Variants in RBFOX1 observed in about 807,000 individuals in gnomAD.
The protein encoded by RBFOX1 is RNA binding protein fox-1 homolog 1.
In RBFOX1, 8 loss-of-function variants were observed where a neutral mutation model predicts 57.7. The ratio of observed to expected loss-of-function variants is 0.14; its 90% confidence interval spans 0.08 to 0.25. The LOEUF (loss-of-function observed/expected upper bound fraction) is 0.25, where lower values mean the gene tolerates loss of function less well. RBFOX1 is among the 10% of genes least tolerant of loss of function. RBFOX1 has a pLI of 1.00. For synonymous variants in RBFOX1, 326 were observed against 222.4 expected (o/e 1.47, Z -4.15); for missense variants, 611 against 548.5 (o/e 1.11, Z -1.14).
At chr16:6,360,146 A>T (rs953632587) in intron 2 of RBFOX1, among the ~76,000 whole-genome samples, 12 of 151,768 alleles carry the variant, frequency 7.9e-5, no homozygotes, top group African/African-American at 2.7e-4. Context: ...GTTTTCAATT[A>T]AAAAAAATAT....
intron 4 of RBFOX1, among the ~76,000 whole-genome samples, chr16:6,000,246 T>TGG (rs1308675056): frequency 3.9e-5 from 6 of 152,206 alleles, no homozygotes; most frequent in African/African-American, 1.4e-4. Flanking sequence ...CCTCTGAAGC[T>TGG]GGAAGTAGTG....
chr16:6,713,962 G>C (rs2064240120), intron 3 of RBFOX1, among the ~76,000 whole-genome samples: 1 of 152,238 alleles, frequency 6.6e-6, no homozygotes, highest in Non-Finnish European at 1.5e-5. Context: ...TCACATGAAA[G>C]TAGTTGATAC....
intron 3 of RBFOX1, among the ~76,000 whole-genome samples, chr16:6,866,559 T>TTTTTTTTTTTTG (rs2059955357): frequency 6.9e-6 from 1 of 144,488 alleles, no homozygotes; most frequent in Non-Finnish European, 1.5e-5. Context: ...TTTTTTTTTT[T>TTTTTTTTTTTTG]GAGTTGGAGT....
chr16:6,814,843 G>C (rs62016146), intron 3 of RBFOX1, among the ~76,000 whole-genome samples: 1 of 152,002 alleles, frequency 6.6e-6, no homozygotes, highest in Admixed American at 6.5e-5. Context: ...AAGGGGTCCT[G>C]ATCCAGACGC....
chr16:7,503,195 A>C (rs531794312), intron 4 of RBFOX1, among the ~76,000 whole-genome samples: 10 of 152,236 alleles, frequency 6.6e-5, no homozygotes, highest in African/African-American at 2.4e-4. Flanking sequence ...AGTGTGACTT[A>C]ATGCTGCCAA....
chr16:5,950,632 A>C (rs1183507542), intron 4 of RBFOX1, among the ~76,000 whole-genome samples: 1 of 152,214 alleles, frequency 6.6e-6, no homozygotes, highest in African/African-American at 2.4e-5. Flanking sequence ...CAGCGAGTGG[A>C]AACCTTTCGG....
chr16:5,560,289 C>T (rs905032420), intron 2 of RBFOX1, among the ~76,000 whole-genome samples: 1 of 152,086 alleles, frequency 6.6e-6, no homozygotes, highest in Non-Finnish European at 1.5e-5. Context: ...TTAGTCACCT[C>T]CTCCAGGAAG....
At chr16:6,907,183 CT>C (rs2070230594) in intron 3 of RBFOX1, among the ~76,000 whole-genome samples, 2 of 152,110 alleles carry the variant, frequency 1.3e-5, no homozygotes. Context: ...GTATGTCCTC[CT>C]GGCATCTGTA....
rs893315153 is a variant in RBFOX1, at chr16:5,437,180, G to A, written c.220-30036G>A. 2.1e-4 allele frequency among the ~76,000 whole-genome samples: 32 copies of A among 152,168 alleles called. 1 individual carries two copies. Among genetic ancestry groups the A allele is most frequent in the Non-Finnish European group, 1.2e-4 (8 of 68,042 alleles). On this transcript the variant is annotated intron_variant, in intron 1 of 2. Transcript: ENST00000585867. ...TGAGGTGACAAAAGGAAATTGAGGG[G>A]TGAAGATATCATAGGAAAGAAGTGA...
At chr16:6,592,347 A>G (rs1251600034) in intron 2 of RBFOX1, among the ~76,000 whole-genome samples, 1 of 152,208 alleles carries the variant, frequency 6.6e-6, no homozygotes, top group African/African-American at 2.4e-5. Context: ...CCTTTCTCTT[A>G]GCTATCCACA....
chr16:5,631,291 G>C (rs1434369460), intron 3 of RBFOX1, among the ~76,000 whole-genome samples: 1 of 152,176 alleles, frequency 6.6e-6, no homozygotes, highest in Non-Finnish European at 1.5e-5. Flanking sequence ...AGGCGTGGTG[G>C]CTTACGCCTG....
intron 4 of RBFOX1, among the ~76,000 whole-genome samples, chr16:7,201,176 C>G (rs577618469): frequency 1.3e-5 from 2 of 152,310 alleles, no homozygotes; most frequent in African/African-American, 4.8e-5. Context: ...AAAGACCTCT[C>G]TGAGGTTAAA....
chr16:6,736,818 A>C (rs1012320133), intron 3 of RBFOX1, among the ~76,000 whole-genome samples: 4 of 152,192 alleles, frequency 2.6e-5, no homozygotes, highest in African/African-American at 9.7e-5. Context: ...GTATTCATAC[A>C]TCTGAATTCC....
At chr16:5,914,660 G>T (rs147057753) in intron 4 of RBFOX1, among the ~76,000 whole-genome samples, 14 of 152,208 alleles carry the variant, frequency 9.2e-5, no homozygotes, top group African/African-American at 3.4e-4. Flanking sequence ...ACTTTGGGAG[G>T]CCCAGGCGGG....
intron 1 of RBFOX1, among the ~76,000 whole-genome samples, chr16:5,457,247 G>C (rs1266930722): frequency 1.3e-5 from 2 of 152,090 alleles, no homozygotes; most frequent in African/African-American, 4.8e-5. Flanking sequence ...AGATCCTCCT[G>C]CCTCAGCCTC....
At chr16:6,866,328 A>T (rs1465014101) in intron 3 of RBFOX1, among the ~76,000 whole-genome samples, 2 of 151,998 alleles carry the variant, frequency 1.3e-5, no homozygotes, top group African/African-American at 2.4e-5. Flanking sequence ...TGAAACAAGG[A>T]AATAGATCAC....
At chr16:7,065,975 G>C (rs2055909935) in intron 4 of RBFOX1, among the ~76,000 whole-genome samples, 1 of 151,964 alleles carries the variant, frequency 6.6e-6, no homozygotes, top group Admixed American at 6.6e-5. Context: ...CCTATACCCA[G>C]AGAATAACAA....
intron 2 of RBFOX1, among the ~76,000 whole-genome samples, chr16:6,640,949 C>A (rs1602384979): frequency 6.6e-6 from 1 of 152,086 alleles, no homozygotes; most frequent in Non-Finnish European, 1.5e-5. Context: ...ACTGTGGCAG[C>A]CATGCTACTC....
chr16:7,313,111 C>T (rs1158179592), intron 4 of RBFOX1, among the ~76,000 whole-genome samples: 1 of 152,146 alleles, frequency 6.6e-6, no homozygotes, highest in Non-Finnish European at 1.5e-5. Context: ...CATCACTCTT[C>T]ATCCGGGCCA....
Sources: gnomAD v4.1 joint callset for allele counts (sites outside exome capture counted in the v4.1 genomes callset) on GRCh38, gnomAD v4.1.1 for gene constraint, MANE v1.5 for transcripts, NCBI Gene and HGNC (gene_info 2026-07-23, HGNC 2026-07-21) for gene names.